Variants in WDR62 observed in about 807,000 individuals in gnomAD.
WDR62 encodes the protein WD repeat-containing protein 62.
A neutral mutation model predicts 160.6 loss-of-function variants in WDR62; 112 were observed. The observed-to-expected ratio is 0.70, with a 90% confidence interval of 0.60 to 0.82. The LOEUF (loss-of-function observed/expected upper bound fraction) is 0.82, where lower values mean the gene tolerates loss of function less well. Ranked by LOEUF, WDR62 falls within the 40% of genes least tolerant of loss-of-function variation. The pLI is 0.00. For synonymous variants in WDR62, 792 were observed against 815.1 expected, an observed-to-expected ratio of 0.97 and a Z score of 0.48; for missense variants, 1,819 against 1,983.8, an observed-to-expected ratio of 0.92 and a Z score of 1.58.
intron 3 of WDR62, chr19:36,061,539 T>A (rs945124386): frequency 3.3e-5 from 5 of 152,230 alleles, no homozygotes; most frequent in Non-Finnish European, 7.3e-5. Context: ...AATTCCCCTG[T>A]GGCAGTGAGG....
intron 9 of WDR62, among the ~76,000 whole-genome samples, chr19:36,076,726 C>CTT (rs748615509): frequency 3.8e-4 from 58 of 152,178 alleles, no homozygotes; most frequent in Non-Finnish European, 6.8e-4. Flanking sequence ...AGAATATCCC[C>CTT]AGTAACTCAT....
chr19:36,056,282 C>T (rs1394417279), intron 1 of WDR62, among the ~76,000 whole-genome samples: 1 of 152,190 alleles, frequency 6.6e-6, no homozygotes, highest in Non-Finnish European at 1.5e-5. Flanking sequence ...GCTGGTGGAG[C>T]TTGTTCCTGC....
At chr19:36,087,173 A>G (rs1010374311) in intron 13 of WDR62, among the ~76,000 whole-genome samples, 2 of 151,022 alleles carry the variant, frequency 1.3e-5, no homozygotes, top group Non-Finnish European at 2.9e-5. Context: ...TGGAGGCTGC[A>G]CTCCAGCCTA....
intron 21 of WDR62, 75 bp downstream of exon 21, chr19:36,097,154 T>C: frequency 1.3e-5 from 18 of 1,413,988 alleles, no homozygotes; most frequent in Admixed American, 3.6e-5. Context: ...CTGGAAGCCC[T>C]TTTTCCTTTC....
At position 36,084,639 on chromosome 19, in the gene WDR62, T is replaced by C. The variant is rs1223058733; in HGVS notation, c.1551-14T>C. ...TGGGGTGTGGGGCTTCAGCGGGCGG[T>C]GTGTGTCTCCCAGGATCCACGAGCT... On this transcript the variant is annotated splice_polypyrimidine_tract_variant and intron_variant, in intron 11 of 31. Transcript: ENST00000401500. 6.2e-7 allele frequency: 1 copy of C among 1,612,982 alleles called. No individual in the cohort carries two copies. Among genetic ancestry groups the C allele is most frequent in the East Asian group, 2.2e-5 (1 of 44,864 alleles).
In WDR62 at chr19:36,071,779, T is replaced by G. The variant is rs1270762742; in HGVS notation, c.1043+63T>G. 1.9e-6 allele frequency: 3 copies of G among 1,559,264 alleles called. No individual in the cohort carries two copies. The Admixed American group carries it at 5.2e-5, about 27-fold the overall frequency. ...CCCAGAGTCTGTCCACTGGCATTCA[T>G]CCATGCTTCCAGATCCATCTATCTG... On this transcript the variant is annotated intron_variant, in intron 8 of 31. Coordinates refer to ENST00000401500, the MANE Select transcript of WDR62 (RefSeq NM_001083961.2).
chr19:36,092,559 G>T, intron 18 of WDR62, 130 bp from the exon 19 acceptor site: 1 of 1,309,222 alleles, frequency 7.6e-7, no homozygotes, highest in Non-Finnish European at 1.1e-6. Flanking sequence ...AGCGGATAGG[G>T]GTGTGTTTTC....
chr19:36,067,256 G>C, intron 5 of WDR62, 50 bp from the exon 6 acceptor site: 7 of 1,613,320 alleles, frequency 4.3e-6, no homozygotes, highest in Non-Finnish European at 5.9e-6. Flanking sequence ...GGCACAAACA[G>C]TCCAGTGGAA....
In WDR62 at chr19:36,055,099, G is replaced by C. The variant is rs1212723164; in HGVS notation, c.128G>C (p.Arg43Pro). Residue 43 changes from arginine to proline, a missense_variant, in exon 1 of 32, where the codon CGG becomes CCG. Physicochemically the swap from Arg to Pro is moderately radical, Grantham distance 103. Coordinates refer to ENST00000401500, the MANE Select transcript of WDR62 (RefSeq NM_001083961.2). ...SPPPAPPICLRRRTRLSTASE... is the reference protein window; with the variant it reads ...SPPPAPPICLPRRTRLSTASE... ...CCCCCCGCCCCACCAATCTGCCTACGGCGGCGGACGCGACTCTCGACGGCC... is the reference window on the plus strand; with the variant it reads ...CCCCCCGCCCCACCAATCTGCCTACCGCGGCGGACGCGACTCTCGACGGCC... 6.2e-7 allele frequency: 1 copy of C among 1,605,782 alleles called. No individual in the cohort carries two copies. Among genetic ancestry groups the C allele is most frequent in the Non-Finnish European group, 8.5e-7 (1 of 1,177,304 alleles).
intron 30 of WDR62, among the ~76,000 whole-genome samples, 192 bp downstream of exon 30, chr19:36,104,173 A>C (rs940027474): frequency 2.0e-5 from 3 of 152,264 alleles, no homozygotes; most frequent in African/African-American, 7.2e-5. Flanking sequence ...ACATGGTGGT[A>C]AACAACACAG....
chr19:36,103,603 G>A lies in WDR62; in HGVS notation c.3775G>A (p.Ala1259Thr). The A allele has an allele frequency of 6.2e-7, 1 of 1,612,742 alleles. No homozygotes were observed. Reference protein sequence around the residue: ...LRRPSSVGELASLGQELQAIT... With the variant: ...LRRPSSVGELTSLGQELQAIT... ...TAGGCCATCGTCCGTTGGGGAGCTG[G>A]CCTCCTTGGGCCAGGAGCTTCAGGC... Residue 1259 changes from alanine (A) to threonine (T), a missense_variant, in exon 30 of 32, where the codon GCC becomes ACC. By Grantham distance (58) the Ala-to-Thr change is moderately conservative. Coordinates refer to ENST00000401500, the MANE Select transcript of WDR62 (RefSeq NM_001083961.2).
intron 6 of WDR62, 124 bp downstream of exon 6, chr19:36,067,567 C>A: frequency 7.1e-7 from 1 of 1,406,492 alleles, no homozygotes; most frequent in Non-Finnish European, 1.0e-6. Flanking sequence ...CTCTCAGGGG[C>A]CCAGCTGCTG....
Position 36,103,475 on chromosome 19 carries a change from C to T in WDR62, c.3647C>T (p.Ser1216Phe). 6.2e-7 allele frequency: 1 copy of T among 1,614,154 alleles called. No homozygotes were observed. Among genetic ancestry groups the T allele is most frequent in the Non-Finnish European group, 8.5e-7 (1 of 1,180,016 alleles). The stretch of plus-strand genomic sequence containing the variant: ...GGTGTCCATGCCCCCTCCACCTGTT[C>T]CTACATGGAGGCCACTGCCAGCTCC... ...AQGVHAPSTCSYMEATASSRA... is the reference protein window; with the variant it reads ...AQGVHAPSTCFYMEATASSRA... Residue 1216 changes from serine to phenylalanine, a missense_variant, in exon 30 of 32, where the codon TCC becomes TTC. Ser to Phe is a radical substitution (Grantham distance 155, BLOSUM62 -2). Coordinates refer to ENST00000401500, the MANE Select transcript of WDR62 (RefSeq NM_001083961.2).
chr19:36,076,910 C>T (rs904870672), intron 9 of WDR62, among the ~76,000 whole-genome samples: 4 of 151,652 alleles, frequency 2.6e-5, no homozygotes, highest in Non-Finnish European at 4.4e-5. Flanking sequence ...ATAGTGTCTC[C>T]CTTTTGACCC....
chr19:36,058,284 G>A (rs57934799), intron 1 of WDR62, among the ~76,000 whole-genome samples: 3,065 of 152,268 alleles, frequency 0.02, 97 homozygotes, highest in African/African-American at 0.071. Flanking sequence ...CCTGGAAGGC[G>A]GAGGTTGCAA....
At position 36,088,315 on chromosome 19, in the gene WDR62, A is replaced by AG. The variant is rs1466909945; in HGVS notation, c.1769-722dup. On this transcript the variant is annotated intron_variant, in intron 13 of 31. Coordinates refer to ENST00000401500, the MANE Select transcript of WDR62 (RefSeq NM_001083961.2). Reference sequence around the variant, plus strand: ...GAGCGAAACTCTGTCTCAAAAAAAAAGAAATGAGAATAATAAAAGCAAGAA... The same window carrying AG: ...GAGCGAAACTCTGTCTCAAAAAAAAAGGAAATGAGAATAATAAAAGCAAGAA... Among the ~76,000 whole-genome samples, 3 of 152,244 alleles carry AG rather than the reference A, an allele frequency of 2.0e-5. No individual in the cohort carries two copies. The East Asian group carries it at 5.8e-4, about 29-fold the overall frequency.
intron 15 of WDR62, among the ~76,000 whole-genome samples, chr19:36,090,096 G>T (rs552339796): frequency 5.2e-4 from 79 of 152,292 alleles, no homozygotes; most frequent in Non-Finnish European, 7.9e-4. Context: ...ACTTCCTGGA[G>T]GAAGAGACAC....
downstream of WDR62, among the ~76,000 whole-genome samples, chr19:36,110,054 C>CAA (rs922901152): frequency 1.4e-5 from 2 of 141,998 alleles, no homozygotes; most frequent in Non-Finnish European, 3.1e-5. Context: ...AACTCCGCCT[C>CAA]AAAAAAAAAA....
At chr19:36,101,162 T>C in intron 23 of WDR62, 52 bp from the exon 24 acceptor site, 1 of 1,510,194 alleles carries the variant, frequency 6.6e-7, no homozygotes, top group Non-Finnish European at 9.1e-7. Context: ...GGCTAGCTGT[T>C]GAGTCTCCAG....
Sources: allele counts gnomAD v4.1 joint callset (sites outside exome capture counted in the v4.1 genomes callset), GRCh38; gene constraint gnomAD v4.1.1; transcripts MANE v1.5; gene names NCBI Gene and HGNC (gene_info 2026-07-23, HGNC 2026-07-21).